The following ZNF407 variants were observed in gnomAD, a reference collection of about 807,000 sequenced individuals.
The protein encoded by ZNF407 is zinc finger protein 407.
Under a neutral mutation model 131.2 loss-of-function variants are expected in ZNF407, and 17 were observed. The observed-to-expected ratio is 0.13, with a 90% CI of 0.09 to 0.19. The LOEUF (loss-of-function observed/expected upper bound fraction) is 0.19. ZNF407 is among the 10% of genes least tolerant of loss of function. The probability of loss-of-function intolerance (pLI) is 1.00; values close to 1 mark genes in which losing one functional copy is unlikely to be tolerated. For synonymous variants in ZNF407, 1,156 were observed against 1,062.0 expected, an observed-to-expected ratio of 1.09 and a Z score of -1.72; for missense variants, 2,681 against 2,830.6, an observed-to-expected ratio of 0.95 and a Z score of 1.20.
chr18:74,919,235 T>C (rs1971814074), intron 7 of ZNF407, among the ~76,000 whole-genome samples: 1 of 152,232 alleles, frequency 6.6e-6, no homozygotes. Context: ...TGACTGCCTT[T>C]GTGTGTGAGA....
chr18:74,671,737 C>T (rs1986149056), intron 3 of ZNF407, among the ~76,000 whole-genome samples: 1 of 152,128 alleles, frequency 6.6e-6, no homozygotes, highest in Non-Finnish European at 1.5e-5. Flanking sequence ...CACAAAATCC[C>T]TTTTGTGTGC....
chr18:74,792,169 A>G lies in ZNF407; in HGVS notation c.4877+10667A>G, dbSNP rs188108972. Among the ~76,000 whole-genome samples the G allele has an allele frequency of 2.9e-4, 44 of 152,282 alleles. 1 individual carries two copies. The East Asian group carries it at 8.5e-3, about 29-fold the overall frequency. On this transcript the variant is annotated intron_variant, in intron 4 of 8. Transcript: ENST00000299687. Reference sequence around the variant, plus strand: ...TCATACTGTTTATGTATGGAATTTTATCATTTTAAAGATACTAATTTTTTA... The same window carrying G: ...TCATACTGTTTATGTATGGAATTTTGTCATTTTAAAGATACTAATTTTTTA...
At chr18:74,830,398 T>A (rs1019843216) in intron 4 of ZNF407, among the ~76,000 whole-genome samples, 41 of 152,136 alleles carry the variant, frequency 2.7e-4, no homozygotes, top group Non-Finnish European at 5.4e-4. Flanking sequence ...CTCTCCCACC[T>A]CAGCCCCCTG....
chr18:74,910,277 T>C (rs1971651416), intron 7 of ZNF407, among the ~76,000 whole-genome samples: 1 of 152,150 alleles, frequency 6.6e-6, no homozygotes, highest in South Asian at 2.1e-4. Context: ...AGTTCCAAAG[T>C]AATACGTTAT....
chr18:75,025,147 A>G (rs1021076360), intron 8 of ZNF407, among the ~76,000 whole-genome samples: 1 of 152,252 alleles, frequency 6.6e-6, no homozygotes, highest in African/African-American at 2.4e-5. Flanking sequence ...TCAATTTTCA[A>G]TATGGAATGC....
chr18:74,792,798 G>A (rs1445336780), intron 4 of ZNF407, among the ~76,000 whole-genome samples: 1 of 151,860 alleles, frequency 6.6e-6, no homozygotes, highest in African/African-American at 2.4e-5. Flanking sequence ...TAAAACTTAC[G>A]TGGAACATAA....
intron 4 of ZNF407, among the ~76,000 whole-genome samples, chr18:74,819,173 GA>G (rs1214710209): frequency 1.3e-5 from 2 of 151,704 alleles, no homozygotes; most frequent in African/African-American, 2.4e-5. Flanking sequence ...GAAAAGGCCG[GA>G]AAAAAAATAG....
intron 7 of ZNF407, among the ~76,000 whole-genome samples, chr18:74,891,302 A>G (rs1163020660): frequency 6.6e-6 from 1 of 152,156 alleles, no homozygotes; most frequent in African/African-American, 2.4e-5. Flanking sequence ...GGAGCTGAAG[A>G]TCTCCACTGC....
chr18:74,657,901 TTTCTTC>T (rs58407278), intron 3 of ZNF407, among the ~76,000 whole-genome samples: 42,576 of 147,574 alleles, frequency 0.29, 6,180 homozygotes, highest in African/African-American at 0.32. Flanking sequence ...CTCCTTTTCC[TTTCTTC>T]TTCTTCTTCT....
chr18:74,875,653 G>A (rs777711018), intron 4 of ZNF407, among the ~76,000 whole-genome samples: 2 of 152,090 alleles, frequency 1.3e-5, no homozygotes, highest in African/African-American at 2.4e-5. Flanking sequence ...ATATACGGAC[G>A]TGATTTTTTT....
At chr18:74,755,775 C>CTT (rs1454993539) in intron 3 of ZNF407, among the ~76,000 whole-genome samples, 119 of 15,016 alleles carry the variant, frequency 7.9e-3, no homozygotes, top group African/African-American at 0.013. Context: ...CTTTCTTTCT[C>CTT]TCTCTCTCTT....
At chr18:74,986,330 T>C (rs9947731) in intron 8 of ZNF407, among the ~76,000 whole-genome samples, 25,175 of 152,038 alleles carry the variant, frequency 0.17, 2,288 homozygotes, top group Admixed American at 0.28. Context: ...AACTACGTCA[T>C]GTACTCTGTT....
At chr18:74,784,531 G>T (rs1401207950) in intron 4 of ZNF407, among the ~76,000 whole-genome samples, 1 of 152,176 alleles carries the variant, frequency 6.6e-6, no homozygotes, top group Non-Finnish European at 1.5e-5. Flanking sequence ...AACACCTGAG[G>T]TGATGGCTTG....
rs568723667 is a variant in ZNF407, at chr18:74,800,641, G to A, written c.4877+19139G>A. On this transcript the variant is annotated intron_variant, in intron 4 of 8. Coordinates refer to ENST00000299687, the MANE Select transcript of ZNF407 (RefSeq NM_017757.3). ...TTATACGAAGATAATTGTTTTTCTC[G>A]TGATGGGAGAAGCCTAAAGCCAATC... 1.4e-4 allele frequency among the ~76,000 whole-genome samples: 21 copies of A among 152,200 alleles called. No individual in the cohort carries two copies. The East Asian group carries it at 2.1e-3, about 15-fold the overall frequency.
chr18:74,662,612 A>G (rs1319942285), intron 3 of ZNF407, among the ~76,000 whole-genome samples: 1 of 152,226 alleles, frequency 6.6e-6, no homozygotes, highest in East Asian at 1.9e-4. Context: ...TTTCAGAAAA[A>G]CACTCTTGTA....
chr18:74,967,979 T>A (rs1972427996), intron 8 of ZNF407, among the ~76,000 whole-genome samples: 1 of 152,202 alleles, frequency 6.6e-6, no homozygotes, highest in African/African-American at 2.4e-5. Flanking sequence ...CTATGTTTTT[T>A]TGTGTGCTTG....
At chr18:74,781,147 TG>T (rs1385498944) in intron 3 of ZNF407, among the ~76,000 whole-genome samples, 2 of 152,168 alleles carry the variant, frequency 1.3e-5, no homozygotes, top group African/African-American at 4.8e-5. Context: ...TCTTACCAAC[TG>T]GAAGTGAAGA....
rs575438544 is a variant in ZNF407 at position 75,047,437 on chromosome 18, C to T, written c.5429-15713C>T. ...TGCCTTCTGCCCTTCTGCGGCCTCA[C>T]GTTGAAGGTGACTCTGCTGCCAGCA... On this transcript the variant is annotated intron_variant, in intron 8 of 8. Coordinates refer to ENST00000299687, the MANE Select transcript of ZNF407 (RefSeq NM_017757.3). Among the ~76,000 whole-genome samples, 8 of 152,352 alleles carry T rather than the reference C, an allele frequency of 5.3e-5. No homozygotes were observed. In the South Asian group the frequency reaches 6.2e-4, roughly 12 times the overall value.
chr18:74,932,894 C>T (rs73971308), intron 8 of ZNF407, among the ~76,000 whole-genome samples: 19,248 of 152,188 alleles, frequency 0.13, 1,501 homozygotes, highest in Admixed American at 0.25. Flanking sequence ...TAGAAAATTG[C>T]GAGTGCTGAC....
Sources: gnomAD v4.1 joint callset for allele counts (sites outside exome capture counted in the v4.1 genomes callset) on GRCh38, gnomAD v4.1.1 for gene constraint, MANE v1.5 for transcripts, NCBI Gene and HGNC (gene_info 2026-07-23, HGNC 2026-07-21) for gene names.